Variants in FAM118A observed in about 807,000 individuals in gnomAD.
The protein encoded by FAM118A is SIR2 antiphage like 2.
Under a neutral mutation model 38.2 loss-of-function variants are expected in FAM118A, and 25 were observed. The observed-to-expected ratio is 0.65, with a 90% CI of 0.48 to 0.91. The LOEUF (loss-of-function observed/expected upper bound fraction) is 0.91, where lower values mean the gene tolerates loss of function less well. Among genes scored for constraint, FAM118A ranks in the 40% least tolerant of loss-of-function variants. FAM118A has a pLI of 0.00. For missense variants in FAM118A, 425 were observed against 463.3 expected (o/e 0.92, Z 0.76); for synonymous variants, 178 against 184.1 (o/e 0.97, Z 0.27).
rs532402338 is a variant in FAM118A, at chr22:45,320,737, C to G, written c.-9-1634C>G. Among the ~76,000 whole-genome samples the G allele has an allele frequency of 3.9e-5, 6 of 152,272 alleles. No individual in the cohort carries two copies. The East Asian group carries it at 9.7e-4, about 25-fold the overall frequency. On this transcript the variant is annotated intron_variant, in intron 1 of 8. Transcript: ENST00000441876. Reference sequence around the variant, plus strand: ...ACAGATGTGAGCCAGCGTACTCTGCCAAAGTCATTTTCAGTCAGTGCTGGT... The same window carrying G: ...ACAGATGTGAGCCAGCGTACTCTGCGAAAGTCATTTTCAGTCAGTGCTGGT...
At position 45,330,646 on chromosome 22, in the gene FAM118A, A is replaced by G; in HGVS notation, c.566A>G (p.His189Arg). 9 of 1,594,650 alleles carry G rather than the reference A, an allele frequency of 5.6e-6. No individual in the cohort carries two copies. Among genetic ancestry groups the G allele is most frequent in the Non-Finnish European group, 7.7e-6 (9 of 1,172,222 alleles). ...GGGCACATGAAGTACGGCGTCCTCC[A>G]CATTCACGGCCTCTACACGGACCCC... ...ARGHMKYGVL[H>R]IHGLYTDPCG... Residue 189 changes from histidine to arginine, a missense_variant, in exon 5 of 9, where the codon CAC (histidine) becomes CGC (arginine). His to Arg is a conservative substitution (Grantham distance 29, BLOSUM62 0). Coordinates refer to ENST00000441876, the MANE Select transcript of FAM118A (RefSeq NM_017911.4).
chr22:45,327,847 A>G lies in FAM118A; in HGVS notation c.306A>G (p.Thr102=). The part of the protein sequence containing the change: ...HDLIRKMSPR[T]GDAKPSFFQD... ...GTCGTTCCACCTTTTTGTAGCGCAC[A>G]GGCGATGCCAAGCCCAGCTTCTTCC... The change falls in exon 4 of 9, where the codon ACA becomes ACG. Residue 102 remains threonine (T), a synonymous_variant. Coordinates refer to ENST00000441876, the MANE Select transcript of FAM118A (RefSeq NM_017911.4). 6.2e-7 allele frequency: 1 copy of G among 1,614,244 alleles called. No individual in the cohort carries two copies.
chr22:45,333,651 G>A lies in FAM118A; in HGVS notation c.937+941G>A, dbSNP rs914148034. Among the ~76,000 whole-genome samples, 7 of 146,860 alleles carry A rather than the reference G, an allele frequency of 4.8e-5. No homozygotes were observed. The East Asian group carries it at 1.4e-3, about 30-fold the overall frequency. ...ATCGCACCACTGCACTCCAGCCTGG[G>A]TGACAGAGCAAGACTCTGTTTCCAA... is the stretch of plus-strand genomic sequence containing the variant. On this transcript the variant is annotated intron_variant, in intron 6 of 8. Coordinates refer to ENST00000441876, the MANE Select transcript of FAM118A (RefSeq NM_017911.4).
chr22:45,335,236 C>G (rs1032333141), intron 6 of FAM118A, 114 bp from the exon 7 acceptor site: 2 of 1,228,496 alleles, frequency 1.6e-6, no homozygotes, highest in Non-Finnish European at 2.4e-6. Flanking sequence ...GCGGGCTGAC[C>G]TGCCCAGAAG....
intron 2 of FAM118A, 132 bp from the exon 3 acceptor site, chr22:45,323,043 G>C (rs1224556601): frequency 4.5e-6 from 2 of 443,932 alleles, no homozygotes; most frequent in Non-Finnish European, 7.4e-6. Flanking sequence ...AGAGGGGACT[G>C]TGTGTGTGTG....
intron 1 of FAM118A, among the ~76,000 whole-genome samples, chr22:45,319,241 G>C (rs978639647): frequency 6.6e-6 from 1 of 152,198 alleles, no homozygotes; most frequent in African/African-American, 2.4e-5. Context: ...TGGTTGACCA[G>C]TGCGTGTTTA....
Position 45,323,164 on chromosome 22 carries a change from T to C in FAM118A, c.48-11T>C. On this transcript the variant is annotated splice_polypyrimidine_tract_variant and intron_variant, in intron 2 of 8. Coordinates refer to ENST00000441876, the MANE Select transcript of FAM118A (RefSeq NM_017911.4). ...TGACTTTCATTCTCTTGCTCCCTTC[T>C]TTTCAAGTAGAAAGTTTTTAAAAAG... is the stretch of plus-strand genomic sequence containing the variant. 1.2e-6 allele frequency: 2 copies of C among 1,607,696 alleles called. No individual in the cohort carries two copies.
Position 45,335,265 on chromosome 22 carries a change from C to T in FAM118A, c.938-85C>T, listed in dbSNP as rs138654355. On this transcript the variant is annotated intron_variant, in intron 6 of 8. Coordinates refer to ENST00000441876, the MANE Select transcript of FAM118A (RefSeq NM_017911.4). ...CCAGAAGCCTGTTCCCAGTCCCTGC[C>T]GTTCCCAGTCACTGCCTCAGGGTGG... The T allele has an allele frequency of 5.4e-5, 82 of 1,512,210 alleles. No individual in the cohort carries two copies. In the East Asian group the frequency reaches 1.0e-3, roughly 19 times the overall value. The allele number at this position is 1,512,210 out of a possible 1,614,324, so 93.7% of individuals were successfully genotyped here. A position where few individuals can be genotyped will look rare whatever the true frequency, so the allele number is the denominator to read the frequency against.
At chr22:45,321,911 T>C in intron 1 of FAM118A, 1 of 248,514 alleles carries the variant, frequency 4.0e-6, no homozygotes, top group Non-Finnish European at 8.0e-6. Flanking sequence ...TCCAGTCCAG[T>C]GCTCTGCACC....
At chr22:45,331,844 T>C (rs148671736) in intron 5 of FAM118A, among the ~76,000 whole-genome samples, 2 of 152,210 alleles carry the variant, frequency 1.3e-5, no homozygotes, top group African/African-American at 4.8e-5. Flanking sequence ...AGTGACCCCA[T>C]GCAATCTGCT....
intron 8 of FAM118A, among the ~76,000 whole-genome samples, chr22:45,337,146 C>G (rs1376997098): frequency 1.3e-5 from 2 of 152,210 alleles, no homozygotes; most frequent in African/African-American, 4.8e-5. Context: ...GAAGCCTGGG[C>G]TGGATGGGCC....
chr22:45,323,150 C>A (rs891307825), intron 2 of FAM118A, 25 bp from the exon 3 acceptor site: 2 of 1,605,944 alleles, frequency 1.2e-6, no homozygotes, highest in Non-Finnish European at 1.7e-6. Flanking sequence ...GACTTTCATT[C>A]TCTTGCTCCC....
At chr22:45,314,299 G>C (rs913671502) in intron 1 of FAM118A, among the ~76,000 whole-genome samples, 7 of 152,224 alleles carry the variant, frequency 4.6e-5, no homozygotes, top group African/African-American at 7.2e-5. Flanking sequence ...TCTGCCTGCC[G>C]CCTCTTCTAT....
At chr22:45,310,559 C>T (rs1325110948) in intron 1 of FAM118A, among the ~76,000 whole-genome samples, 1 of 152,164 alleles carries the variant, frequency 6.6e-6, no homozygotes, top group Admixed American at 6.5e-5. Context: ...CGCGAGACCC[C>T]GGGTCCCCGT....
rs745610671 is a variant in FAM118A, at chr22:45,332,616, C to A, written c.843C>A (p.His281Gln). The A allele has an allele frequency of 6.2e-7, 1 of 1,614,050 alleles. No homozygotes were observed. Residue 281 changes from histidine (H) to glutamine (Q), a missense_variant, in exon 6 of 9, where the codon CAC becomes CAA. Transcript: ENST00000441876. ...AGCATCAGGCAGATATGCTTCTGCACGGAATCAAAGTTGTATCCTACGGGG... is the reference window on the plus strand; with the variant it reads ...AGCATCAGGCAGATATGCTTCTGCAAGGAATCAAAGTTGTATCCTACGGGG... ...FFKHQADMLL[H>Q]GIKVVSYGDC... is the part of the protein sequence containing the mutation.
chr22:45,339,555 A>C (rs1421946561), intron 8 of FAM118A, among the ~76,000 whole-genome samples: 1 of 152,246 alleles, frequency 6.6e-6, no homozygotes, highest in East Asian at 1.9e-4. Context: ...TAGAACCATC[A>C]TATAAGTAAA....
rs1181363144 is a variant in FAM118A, at chr22:45,316,851, TG to T, written c.-9-5516del. ...TGACCTTGTCTGACTTTGCAAATTC[TG>T]GGGTCATTTTATGATCACTGTGGAT... On this transcript the variant is annotated intron_variant, in intron 1 of 8. Coordinates refer to ENST00000441876, the MANE Select transcript of FAM118A (RefSeq NM_017911.4). Among the ~76,000 whole-genome samples, 8 of 152,206 alleles carry T rather than the reference TG, an allele frequency of 5.3e-5. No individual in the cohort carries two copies. The South Asian group carries it at 6.2e-4, about 12-fold the overall frequency.
chr22:45,312,205 G>A (rs1013585868), intron 1 of FAM118A, among the ~76,000 whole-genome samples: 2 of 152,194 alleles, frequency 1.3e-5, no homozygotes, highest in Admixed American at 1.3e-4. Flanking sequence ...GACACCAACT[G>A]GGTATCTTCC....
intron 8 of FAM118A, among the ~76,000 whole-genome samples, chr22:45,338,623 A>G (rs2086263868): frequency 6.6e-6 from 1 of 152,248 alleles, no homozygotes; most frequent in African/African-American, 2.4e-5. Context: ...ATCTGACTCT[A>G]CTACATTCCT....
Sources: allele counts gnomAD v4.1 joint callset (sites outside exome capture counted in the v4.1 genomes callset), GRCh38; gene constraint gnomAD v4.1.1; transcripts MANE v1.5; gene names NCBI Gene and HGNC (gene_info 2026-07-23, HGNC 2026-07-21).